The following GPR139 variants were observed in gnomAD, a reference collection of about 807,000 sequenced individuals.
The protein encoded by GPR139 is probable G protein-coupled receptor 139.
A neutral mutation model predicts 25.8 loss-of-function variants in GPR139; 12 were observed. The ratio of observed to expected loss-of-function variants is 0.47; its 90% CI spans 0.30 to 0.75. The LOEUF is 0.75. Ranked by LOEUF, GPR139 falls within the 30% of genes least tolerant of loss-of-function variation. The probability of loss-of-function intolerance (pLI) is 0.07; values close to 1 mark genes in which losing one functional copy is unlikely to be tolerated. For missense variants in GPR139, 380 were observed against 450.2 expected, an observed-to-expected ratio of 0.84 and a Z score of 1.41; for synonymous variants, 184 against 179.9, an observed-to-expected ratio of 1.02 and a Z score of -0.18.
At chr16:20,044,552 T>G in intron 1 of GPR139, among the ~76,000 whole-genome samples, 1 of 151,380 alleles carries the variant, frequency 6.6e-6, no homozygotes, top group African/African-American at 2.4e-5. Context: ...CCAGGGAGAG[T>G]GAATGGCAAC....
chr16:20,073,572 A>G lies in GPR139; in HGVS notation c.45T>C (p.Ser15=). The G allele has an allele frequency of 6.2e-7, 1 of 1,612,106 alleles. No homozygotes were observed. Among genetic ancestry groups the G allele is most frequent in the Non-Finnish European group, 8.5e-7 (1 of 1,179,384 alleles). Reference sequence around the variant, plus strand: ...CGCAGGCCGAGCCGGGGGACCACCAAGACAGCGAGCTGTTGGCTGCGAGGT... The same window carrying G: ...CGCAGGCCGAGCCGGGGGACCACCAGGACAGCGAGCTGTTGGCTGCGAGGT... ...HAHLAANSSL[S]WWSPGSACGL... The change falls in exon 1 of 2, where the codon TCT becomes TCC. Residue 15 remains serine, a synonymous_variant. Transcript: ENST00000570682. This position sits in a 1 kb window ranked among gnomAD's most constrained non-coding sequence, Gnocchi z 4.7.
Position 20,073,420 on chromosome 16 carries a change from G to T in GPR139, c.127+70C>A, listed in dbSNP as rs1046717900. 1.3e-6 allele frequency: 2 copies of T among 1,570,314 alleles called. No individual in the cohort carries two copies. Among genetic ancestry groups the T allele is most frequent in the Admixed American group, 3.7e-5 (2 of 53,992 alleles). ...GCCAGGGAACGCACGGGGGAGGACGGGGGATTCTGGGTAGGGTTGCCCGGC... is the reference window on the plus strand; with the variant it reads ...GCCAGGGAACGCACGGGGGAGGACGTGGGATTCTGGGTAGGGTTGCCCGGC... On this transcript the variant is annotated intron_variant, in intron 1 of 1. Transcript: ENST00000570682. The surrounding 1 kb of genome is among the most constrained non-coding windows in gnomAD (Gnocchi z 4.7).
chr16:20,050,319 G>A (rs2057367726), intron 1 of GPR139, among the ~76,000 whole-genome samples: 1 of 152,218 alleles, frequency 6.6e-6, no homozygotes, highest in Admixed American at 6.5e-5. Context: ...CAAGAGACGG[G>A]ATGGCTGTTG....
chr16:20,067,660 C>T (rs2049679275), intron 1 of GPR139, among the ~76,000 whole-genome samples: 1 of 151,816 alleles, frequency 6.6e-6, no homozygotes, highest in Admixed American at 6.6e-5. Context: ...CAAAATTAGC[C>T]AGGCATGGTG....
intron 1 of GPR139, among the ~76,000 whole-genome samples, chr16:20,059,559 CA>C (rs1281393434): frequency 1.3e-4 from 20 of 152,308 alleles, no homozygotes; most frequent in African/African-American, 4.8e-4. Flanking sequence ...AGCTCCCTGT[CA>C]CCTTACCTCG....
intron 1 of GPR139, among the ~76,000 whole-genome samples, chr16:20,034,951 A>C (rs542098840): frequency 1.3e-5 from 2 of 152,292 alleles, no homozygotes; most frequent in South Asian, 2.1e-4. Flanking sequence ...ATATCTTGAC[A>C]TGACTCTCCA....
intron 1 of GPR139, among the ~76,000 whole-genome samples, chr16:20,065,045 ATTC>A (rs1399051326): frequency 6.0e-5 from 9 of 150,688 alleles, no homozygotes; most frequent in East Asian, 3.9e-4. Context: ...CTCCCTCTAG[ATTC>A]TTCTTCTTTT....
At chr16:20,065,068 A>T (rs900896544) in intron 1 of GPR139, among the ~76,000 whole-genome samples, 1 of 147,842 alleles carries the variant, frequency 6.8e-6, no homozygotes, top group Admixed American at 6.7e-5. Context: ...TTTTTTCTCC[A>T]CTTGCTGTGA....
At chr16:20,065,054 CT>C (rs998898523) in intron 1 of GPR139, among the ~76,000 whole-genome samples, 5 of 151,604 alleles carry the variant, frequency 3.3e-5, no homozygotes, top group East Asian at 1.9e-4. Context: ...GATTCTTCTT[CT>C]TTTTTTTTCT....
chr16:20,034,483 A>G (rs1019757252), intron 1 of GPR139, among the ~76,000 whole-genome samples: 3 of 152,110 alleles, frequency 2.0e-5, no homozygotes, highest in Non-Finnish European at 4.4e-5. Flanking sequence ...GGCAACCACC[A>G]TGCTGCAGGC....
intron 1 of GPR139, among the ~76,000 whole-genome samples, chr16:20,046,103 G>C (rs796396869): frequency 5.9e-5 from 9 of 152,160 alleles, no homozygotes; most frequent in African/African-American, 1.2e-4. Context: ...GCTGCCAGGG[G>C]TAGGTATTTT....
intron 1 of GPR139, among the ~76,000 whole-genome samples, chr16:20,046,707 C>T (rs540829606): frequency 4.6e-5 from 7 of 152,104 alleles, no homozygotes; most frequent in South Asian, 4.1e-4. Flanking sequence ...TTGAGGAGAA[C>T]GGCACTCGAG....
chr16:20,037,548 G>A (rs1373507639), intron 1 of GPR139, among the ~76,000 whole-genome samples: 1 of 152,090 alleles, frequency 6.6e-6, no homozygotes, highest in Non-Finnish European at 1.5e-5. Context: ...GGATTGGCAA[G>A]TGCAACAGCC....
In GPR139 at chr16:20,032,435, G is replaced by A; in HGVS notation, c.362C>T (p.Pro121Leu). 1.9e-6 allele frequency: 3 copies of A among 1,614,148 alleles called. No homozygotes were observed. The highest frequency in any genetic ancestry group is 2.5e-6 in the Non-Finnish European group (3 of 1,180,002). The change falls in exon 2 of 2, where the codon CCG becomes CTG. Residue 121 changes from proline (P) to leucine (L), a missense_variant. Physicochemically the swap from Pro to Leu is moderately conservative, Grantham distance 98 (BLOSUM62 -3). Coordinates refer to ENST00000570682, the MANE Select transcript of GPR139 (RefSeq NM_001002911.4). Reference sequence around the variant, plus strand: ...AGCGATATACCTGTCAATGGTTAACGGTACAGTAATCCATATGGAGGTGTG... The same window carrying A: ...AGCGATATACCTGTCAATGGTTAACAGTACAGTAATCCATATGGAGGTGTG... Reference protein sequence around the residue: ...SIHTSIWITVPLTIDRYIAVC... With the variant: ...SIHTSIWITVLLTIDRYIAVC...
rs146496419 is a variant in GPR139, at chr16:20,067,673, G to A, written c.127+5817C>T. Among the ~76,000 whole-genome samples the A allele has an allele frequency of 3.6e-3, 552 of 151,932 alleles. 11 individuals carry two copies. In the East Asian group the frequency reaches 0.043, roughly 12 times the overall value. On this transcript the variant is annotated intron_variant, in intron 1 of 1. Coordinates refer to ENST00000570682, the MANE Select transcript of GPR139 (RefSeq NM_001002911.4). ...TACAAAATTAGCCAGGCATGGTGGC[G>A]CATGCCTGTAATCCCAGCTACTTGG... is the stretch of plus-strand genomic sequence containing the variant.
chr16:20,045,895 T>C (rs543692495), intron 1 of GPR139, among the ~76,000 whole-genome samples: 1 of 152,344 alleles, frequency 6.6e-6, no homozygotes, highest in South Asian at 2.1e-4. Context: ...GGCCAGGGGA[T>C]ACTTATTTGT....
At position 20,031,688 on chromosome 16, in the gene GPR139, A is replaced by G. The variant is rs550860875; in HGVS notation, c.*47T>C. On this transcript the variant is annotated 3_prime_UTR_variant, in exon 2 of 2. Transcript: ENST00000570682. ...CAGCCATAGGATGGGACACCTTCCCATCTGGAAATGGATTAGACAGAGGCA... is the reference window on the plus strand; with the variant it reads ...CAGCCATAGGATGGGACACCTTCCCGTCTGGAAATGGATTAGACAGAGGCA... 3 of 1,478,072 alleles carry G rather than the reference A, an allele frequency of 2.0e-6. No homozygotes were observed. In the Admixed American group the frequency reaches 5.1e-5, roughly 25 times the overall value. The allele number at this position is 1,478,072 out of a possible 1,614,324, so 91.6% of individuals were successfully genotyped here.
Position 20,029,185 on chromosome 16 carries a change from C to A in GPR139, c.*2550G>T, listed in dbSNP as rs1387325195. ...CATGTAGCAAAATATAAAATATATT[C>A]GGAGGAAAAGAGATCACAATACCAC... is the stretch of plus-strand genomic sequence containing the variant. On this transcript the variant is annotated 3_prime_UTR_variant, in exon 2 of 2. Transcript: ENST00000570682. 6.6e-6 allele frequency among the ~76,000 whole-genome samples: 1 copy of A among 151,874 alleles called. No individual in the cohort carries two copies. The highest frequency in any genetic ancestry group is 1.5e-5 in the Non-Finnish European group (1 of 67,982).
intron 1 of GPR139, among the ~76,000 whole-genome samples, chr16:20,057,214 C>T (rs2057392157): frequency 6.6e-6 from 1 of 152,186 alleles, no homozygotes; most frequent in Non-Finnish European, 1.5e-5. Context: ...CTGCTGCTCA[C>T]TGGCTGAATT....
Sources: allele counts gnomAD v4.1 joint callset (sites outside exome capture counted in the v4.1 genomes callset), GRCh38; gene constraint gnomAD v4.1.1; non-coding constraint Gnocchi (gnomAD v3.1); transcripts MANE v1.5; gene names NCBI Gene and HGNC (gene_info 2026-07-23, HGNC 2026-07-21).